MCM9: variants seen among roughly 807,000 people sequenced by gnomAD.
The protein encoded by MCM9 is minichromosome maintenance 9 homologous recombination repair factor.
A neutral mutation model predicts 72.8 loss-of-function variants in MCM9; 55 were observed. The ratio of observed to expected loss-of-function variants is 0.76; its 90% CI spans 0.61 to 0.95. The LOEUF (loss-of-function observed/expected upper bound fraction) is 0.95, where lower values mean the gene tolerates loss of function less well. Among genes scored for constraint, MCM9 ranks in the 40% least tolerant of loss-of-function variants. The probability of loss-of-function intolerance (pLI) is 0.00; values close to 1 mark genes in which losing one functional copy is unlikely to be tolerated. For missense variants in MCM9, 1,279 were observed against 1,377.0 expected (o/e 0.93, Z 1.13); for synonymous variants, 480 against 503.4 (o/e 0.95, Z 0.62).
intron 8 of MCM9, among the ~76,000 whole-genome samples, chr6:118,878,643 A>T (rs531245131): frequency 6.6e-6 from 1 of 152,272 alleles, no homozygotes; most frequent in East Asian, 1.9e-4. Context: ...AATCTGAACT[A>T]AACTGCTTTA....
At chr6:118,864,125 T>C (rs551096083) in intron 8 of MCM9, among the ~76,000 whole-genome samples, 5 of 152,220 alleles carry the variant, frequency 3.3e-5, no homozygotes, top group South Asian at 2.1e-4. Flanking sequence ...ATGAGTTCTT[T>C]AGTGCTGATT....
intron 8 of MCM9, among the ~76,000 whole-genome samples, chr6:118,909,479 C>G (rs1011540338): frequency 6.6e-6 from 1 of 152,138 alleles, no homozygotes; most frequent in Non-Finnish European, 1.5e-5. Flanking sequence ...GAAACTGTAG[C>G]ACATAAGTTT....
At chr6:118,844,341 T>A (rs977455783) in intron 9 of MCM9, among the ~76,000 whole-genome samples, 1 of 151,120 alleles carries the variant, frequency 6.6e-6, no homozygotes, top group Admixed American at 6.6e-5. Context: ...AATTGTAGAG[T>A]GAGACAGAGT....
chr6:118,835,893 G>A (rs575498495), intron 9 of MCM9, among the ~76,000 whole-genome samples: 62 of 152,300 alleles, frequency 4.1e-4, no homozygotes, highest in African/African-American at 1.4e-3. Context: ...TGTTGACTAG[G>A]AGTGGTGAGA....
At chr6:118,886,202 A>G (rs1316113194) in intron 8 of MCM9, among the ~76,000 whole-genome samples, 2 of 152,212 alleles carry the variant, frequency 1.3e-5, no homozygotes, top group African/African-American at 4.8e-5. Flanking sequence ...AAGCATCTAA[A>G]AAAACCTCAC....
At chr6:118,913,001 C>T (rs780982879) in intron 7 of MCM9, 26 of 257,042 alleles carry the variant, frequency 1.0e-4, no homozygotes, top group Non-Finnish European at 1.7e-4. Context: ...GACCGGGGAT[C>T]CAACAAAAAA....
At chr6:118,833,732 C>G (rs1774754455) in intron 9 of MCM9, among the ~76,000 whole-genome samples, 1 of 151,992 alleles carries the variant, frequency 6.6e-6, no homozygotes, top group Non-Finnish European at 1.5e-5. Context: ...CTAGAGTAGT[C>G]AAATCCATAG....
chr6:118,895,014 G>A (rs1779275039), intron 8 of MCM9, among the ~76,000 whole-genome samples: 1 of 152,142 alleles, frequency 6.6e-6, no homozygotes, highest in Non-Finnish European at 1.5e-5. Context: ...CTCTTGCCCC[G>A]CCGCCCGCCT....
At chr6:118,843,658 G>GTATATATACATATGTGTA (rs1775594346) in intron 9 of MCM9, among the ~76,000 whole-genome samples, 1 of 21,592 alleles carries the variant, frequency 4.6e-5, no homozygotes, top group Non-Finnish European at 8.6e-5. Flanking sequence ...ATATATATGT[G>GTATATATACATATGTGTA]TATATATATA....
At chr6:118,832,294 C>T (rs1299342453) in intron 9 of MCM9, among the ~76,000 whole-genome samples, 2 of 152,062 alleles carry the variant, frequency 1.3e-5, no homozygotes, top group Non-Finnish European at 2.9e-5. Flanking sequence ...GAACTCCTGG[C>T]CCCAAGAATC....
In MCM9 at chr6:118,923,717, T is replaced by C. The variant is rs189871325; in HGVS notation, c.621+94A>G. On this transcript the variant is annotated intron_variant, in intron 4 of 13. Coordinates refer to ENST00000619706, the MANE Select transcript of MCM9 (RefSeq NM_017696.3). ...CCACAAAGTGACAACACAAGTACAT[T>C]TGTATCCATTCTGTGTTCCCTAATC... 12 of 1,061,690 alleles carry C rather than the reference T, an allele frequency of 1.1e-5. 1 individual carries two copies. In the African/African-American group the frequency reaches 1.3e-4, roughly 11 times the overall value. The allele number at this position is 1,061,690 out of a possible 1,614,324, so 65.8% of individuals were successfully genotyped here.
At chr6:118,855,683 T>C (rs979637236) in intron 9 of MCM9, among the ~76,000 whole-genome samples, 5 of 152,184 alleles carry the variant, frequency 3.3e-5, no homozygotes, top group African/African-American at 1.2e-4. Flanking sequence ...ACATCCATAA[T>C]AGCAGCATTA....
intron 9 of MCM9, among the ~76,000 whole-genome samples, chr6:118,848,750 C>T (rs1776040118): frequency 6.6e-6 from 1 of 152,026 alleles, no homozygotes; most frequent in East Asian, 1.9e-4. Context: ...ATGGTGAAAC[C>T]CCATCTCTAC....
At chr6:118,870,532 A>G (rs1777533360) in intron 8 of MCM9, among the ~76,000 whole-genome samples, 1 of 152,172 alleles carries the variant, frequency 6.6e-6, no homozygotes. Context: ...TCTACATCAA[A>G]AAAGAAGAAA....
rs1221414684 is a variant in MCM9, at chr6:118,815,067, A to G, written c.3189T>C (p.Phe1063=). The stretch of plus-strand genomic sequence containing the variant: ...TTGATTTGGATTCCGATGGGGGAGT[A>G]AAGCAGAAGTTTGCCAATCTGGCTA... ...CTLARLANFC[F]TPPSESKSKS... is the part of the protein sequence containing the mutation. Residue 1063 remains phenylalanine (F), a synonymous_variant, in exon 14 of 14, where the codon TTT becomes TTC. Transcript: ENST00000619706. The G allele has an allele frequency of 1.5e-5, 23 of 1,550,592 alleles. No individual in the cohort carries two copies. The African/African-American group carries it at 2.9e-4, about 19-fold the overall frequency.
chr6:118,886,385 T>C (rs1210372318), intron 8 of MCM9, among the ~76,000 whole-genome samples: 4 of 151,120 alleles, frequency 2.6e-5, no homozygotes, highest in Non-Finnish European at 5.9e-5. Flanking sequence ...AAAGAAACAA[T>C]AGGCATCCAG....
chr6:118,921,586 C>T (rs757394340), intron 5 of MCM9: 1 of 154,340 alleles, frequency 6.5e-6, no homozygotes, highest in African/African-American at 2.4e-5. Context: ...ACCAATAAGA[C>T]ACGCAGCAGC....
At chr6:118,830,028 C>T (rs1009826300) in intron 9 of MCM9, among the ~76,000 whole-genome samples, 3 of 152,020 alleles carry the variant, frequency 2.0e-5, no homozygotes, top group Non-Finnish European at 4.4e-5. Flanking sequence ...AGGGTAGGGG[C>T]TCTAGTACAA....
intron 8 of MCM9, among the ~76,000 whole-genome samples, chr6:118,882,091 GCA>G (rs1562421960): frequency 6.6e-6 from 1 of 152,120 alleles, no homozygotes; most frequent in Non-Finnish European, 1.5e-5. Context: ...CAATCCCAAC[GCA>G]CAGAGTAGAG....
Sources: allele counts gnomAD v4.1 joint callset (sites outside exome capture counted in the v4.1 genomes callset), GRCh38; gene constraint gnomAD v4.1.1; transcripts MANE v1.5; gene names NCBI Gene and HGNC (gene_info 2026-07-23, HGNC 2026-07-21).